The following PRKCE variants were observed in gnomAD, a reference collection of about 807,000 sequenced individuals.
The protein encoded by PRKCE is protein kinase C epsilon.
PRKCE carries 16 observed loss-of-function variants against 85.4 expected under a neutral mutation model. The ratio of observed to expected loss-of-function variants is 0.19; its 90% confidence interval spans 0.13 to 0.28. PRKCE has a LOEUF of 0.28. Among genes scored for constraint, PRKCE ranks in the 10% least tolerant of loss-of-function variants. The probability of loss-of-function intolerance (pLI) is 1.00; values close to 1 mark genes in which losing one functional copy is unlikely to be tolerated. For missense variants in PRKCE, 573 were observed against 975.2 expected, an observed-to-expected ratio of 0.59 and a Z score of 5.49; for synonymous variants, 388 against 371.5, an observed-to-expected ratio of 1.04 and a Z score of -0.51.
chr2:46,105,438 C>T (rs1303136859), intron 11 of PRKCE, among the ~76,000 whole-genome samples: 2 of 126,790 alleles, frequency 1.6e-5, no homozygotes, highest in Non-Finnish European at 1.7e-5. Context: ...CACAAATTAT[C>T]TTTATCTTTC....
Position 45,843,135 on chromosome 2 carries a change from C to G in PRKCE, c.412+72C>G, listed in dbSNP as rs147829558. 2.5e-5 allele frequency: 34 copies of G among 1,350,870 alleles called. 1 individual carries two copies. The highest frequency in any genetic ancestry group is 7.1e-5 in the South Asian group (6 of 84,836). The allele number at this position is 1,350,870 out of a possible 1,614,324, so 83.7% of individuals were successfully genotyped here. ...TGCCTTCTGGGTCTCTTCTTTCCCC[C>G]CCTTGGCCGGAACACATTATAGTGA... On this transcript the variant is annotated intron_variant, in intron 2 of 14. Coordinates refer to ENST00000306156, the MANE Select transcript of PRKCE (RefSeq NM_005400.3).
In PRKCE at chr2:46,004,112, C is replaced by G. The variant is rs1306769121; in HGVS notation, c.967-430C>G. 1 of 252,234 alleles carries G rather than the reference C, an allele frequency of 4.0e-6. No individual in the cohort carries two copies. The highest frequency in any genetic ancestry group is 7.9e-6 in the Non-Finnish European group (1 of 126,806). The allele number at this position is 252,234 out of a possible 1,614,324, so 15.6% of individuals were successfully genotyped here. ...CCCACGTGGATAGTTGAACATTAGCCTTTTCCTGCTGTACCCGTCCAATGT... is the reference window on the plus strand; with the variant it reads ...CCCACGTGGATAGTTGAACATTAGCGTTTTCCTGCTGTACCCGTCCAATGT... On this transcript the variant is annotated intron_variant, in intron 7 of 14. Coordinates refer to ENST00000306156, the MANE Select transcript of PRKCE (RefSeq NM_005400.3). The surrounding 1 kb of genome is among the most constrained non-coding windows in gnomAD (Gnocchi z 4.1).
At chr2:46,111,075 T>G (rs914215296) in intron 11 of PRKCE, among the ~76,000 whole-genome samples, 6 of 152,238 alleles carry the variant, frequency 3.9e-5, no homozygotes, top group African/African-American at 1.4e-4. Context: ...TTTAATTCTT[T>G]TACATTTGAG....
chr2:45,797,092 A>G (rs1187112859), intron 1 of PRKCE, among the ~76,000 whole-genome samples: 1 of 152,186 alleles, frequency 6.6e-6, no homozygotes, highest in African/African-American at 2.4e-5. Context: ...AGGGAGAATA[A>G]TGCTTGCTGT....
chr2:45,943,719 C>G (rs542278641), intron 2 of PRKCE, among the ~76,000 whole-genome samples: 4 of 152,204 alleles, frequency 2.6e-5, no homozygotes, highest in African/African-American at 7.2e-5. Context: ...CTAAGTTACA[C>G]GTCTTAGCAG....
intron 2 of PRKCE, among the ~76,000 whole-genome samples, chr2:45,911,440 C>T (rs1338692486): frequency 6.6e-6 from 1 of 152,144 alleles, no homozygotes; most frequent in Admixed American, 6.6e-5. Flanking sequence ...TCCAAAAATC[C>T]CAGATGTGGC....
chr2:46,069,529 G>A (rs867553713), intron 10 of PRKCE, among the ~76,000 whole-genome samples: 1 of 152,130 alleles, frequency 6.6e-6, no homozygotes, highest in African/African-American at 2.4e-5. Context: ...TCAGTTTCCT[G>A]TATTTTGATT....
intron 2 of PRKCE, among the ~76,000 whole-genome samples, chr2:45,883,326 G>A (rs1353460980): frequency 6.6e-6 from 1 of 152,222 alleles, no homozygotes; most frequent in African/African-American, 2.4e-5. Context: ...ACTCTGAGGC[G>A]CCCTGCAGGG....
intron 11 of PRKCE, among the ~76,000 whole-genome samples, chr2:46,087,947 C>T (rs1028686201): frequency 1.3e-5 from 2 of 152,204 alleles, no homozygotes; most frequent in Non-Finnish European, 2.9e-5. Context: ...TCTGGGCCTT[C>T]TTTTCAATGG....
At chr2:45,979,875 C>T (rs748188240) in intron 4 of PRKCE, among the ~76,000 whole-genome samples, 14 of 152,174 alleles carry the variant, frequency 9.2e-5, no homozygotes, top group Non-Finnish European at 1.9e-4. Flanking sequence ...AACCTCTGCA[C>T]CGCCTGCTGC....
intron 1 of PRKCE, among the ~76,000 whole-genome samples, chr2:45,694,448 A>G (rs1009533600): frequency 1.3e-5 from 2 of 152,172 alleles, no homozygotes; most frequent in African/African-American, 4.8e-5. Flanking sequence ...TGGGTGCCAA[A>G]GGTTTCACTC....
intron 1 of PRKCE, among the ~76,000 whole-genome samples, chr2:45,723,959 C>A (rs1459235981): frequency 6.6e-6 from 1 of 152,198 alleles, no homozygotes; most frequent in Non-Finnish European, 1.5e-5. Flanking sequence ...TTCTTACATT[C>A]TTTGAGGAGA....
At chr2:46,113,261 C>T (rs1672443503) in intron 11 of PRKCE, among the ~76,000 whole-genome samples, 3 of 152,188 alleles carry the variant, frequency 2.0e-5, no homozygotes, top group African/African-American at 7.2e-5. Flanking sequence ...CATGTGTATT[C>T]TGTGGTCTGT....
At chr2:45,913,612 C>T (rs1697538854) in intron 2 of PRKCE, among the ~76,000 whole-genome samples, 1 of 152,206 alleles carries the variant, frequency 6.6e-6, no homozygotes, top group Non-Finnish European at 1.5e-5. Flanking sequence ...TCTCTCCAAC[C>T]CTAGTTTTTG....
At chr2:46,015,691 C>CAAAAAAAAAAAAAAAAAAAAACA (rs1706074125) in intron 10 of PRKCE, among the ~76,000 whole-genome samples, 1 of 80,798 alleles carries the variant, frequency 1.2e-5, no homozygotes, top group Non-Finnish European at 2.5e-5. Flanking sequence ...AACACTAAAC[C>CAAAAAAAAAAAAAAAAAAAAACA]AAAAAAAAAA....
At chr2:45,837,587 G>T (rs1324193019) in intron 1 of PRKCE, among the ~76,000 whole-genome samples, 5 of 152,150 alleles carry the variant, frequency 3.3e-5, no homozygotes, top group African/African-American at 9.7e-5. Flanking sequence ...TGCCAGTCCG[G>T]CTCCAGGGGT....
intron 11 of PRKCE, among the ~76,000 whole-genome samples, chr2:46,142,046 AGGAATGAGGAGT>A (rs1454686104): frequency 6.6e-6 from 1 of 152,214 alleles, no homozygotes; most frequent in Admixed American, 6.5e-5. Flanking sequence ...CTCCTGGGGC[AGGAATGAGGAGT>A]GGAAATTCAG....
chr2:45,756,854 A>G (rs972375299), intron 1 of PRKCE, among the ~76,000 whole-genome samples: 7 of 152,174 alleles, frequency 4.6e-5, no homozygotes, highest in African/African-American at 1.2e-4. Context: ...TATAAACTCT[A>G]TGAGGAAACT....
chr2:46,078,693 C>G (rs771232930), intron 10 of PRKCE: 1 of 152,166 alleles, frequency 6.6e-6, no homozygotes, highest in Non-Finnish European at 1.5e-5. Context: ...TTCCTCATTC[C>G]CACATGTGAT....
Sources: gnomAD v4.1 joint callset for allele counts (sites outside exome capture counted in the v4.1 genomes callset) on GRCh38, gnomAD v4.1.1 for gene constraint, Gnocchi (gnomAD v3.1) non-coding constraint, MANE v1.5 for transcripts, NCBI Gene and HGNC (gene_info 2026-07-23, HGNC 2026-07-21) for gene names.